CHL1: variants seen among roughly 807,000 people sequenced by gnomAD.
CHL1 encodes cell adhesion molecule L1 like.
CHL1 carries 96 observed loss-of-function variants against 141.9 expected under a neutral mutation model. The observed-to-expected ratio is 0.68, with a 90% CI of 0.57 to 0.80. The LOEUF (loss-of-function observed/expected upper bound fraction) is 0.80, where lower values mean the gene tolerates loss of function less well. Among genes scored for constraint, CHL1 ranks in the 30% least tolerant of loss-of-function variants. The pLI is 0.00. For synonymous variants in CHL1, 613 were observed against 502.2 expected (o/e 1.22, Z -2.95); for missense variants, 1,820 against 1,457.2 (o/e 1.25, Z -4.05).
intron 12 of CHL1, 51 bp downstream of exon 12, chr3:360,475 G>A: frequency 6.3e-7 from 1 of 1,590,342 alleles, no homozygotes; most frequent in Non-Finnish European, 8.6e-7. Flanking sequence ...AAGGAAAGTG[G>A]TCAAGGTCAT....
At chr3:387,228 A>G (rs955719166) in intron 19 of CHL1, among the ~76,000 whole-genome samples, 7 of 152,202 alleles carry the variant, frequency 4.6e-5, no homozygotes, top group Admixed American at 2.6e-4. Flanking sequence ...AGATCCTCTA[A>G]AGGATACACA....
intron 1 of CHL1, among the ~76,000 whole-genome samples, chr3:235,369 A>AT (rs1691865673): frequency 6.6e-6 from 1 of 152,172 alleles, no homozygotes; most frequent in Admixed American, 6.6e-5. Flanking sequence ...AATGAAGGAC[A>AT]TTAAAAAAAA....
Position 349,446 on chromosome 3 carries a change from G to C in CHL1, c.936G>C (p.Lys312Asn). The C allele has an allele frequency of 1.2e-6, 2 of 1,613,860 alleles. No homozygotes were observed. Among genetic ancestry groups the C allele is most frequent in the Non-Finnish European group, 1.7e-6 (2 of 1,179,784 alleles). The part of the protein sequence containing the change: ...ETKENYGKTL[K>N]IENVSYQDKG... ...AAGAAAATTATGGCAAGACTTTGAA[G>C]ATAGAGAATGTCTCCTACCAGGACA... Residue 312 changes from lysine (K) to asparagine (N), a missense_variant, in exon 10 of 28, where the codon AAG (lysine) becomes AAC (asparagine). Lys to Asn is a moderately conservative substitution (Grantham distance 94). Transcript: ENST00000256509.
chr3:227,434 G>A (rs1422557086), intron 1 of CHL1, among the ~76,000 whole-genome samples: 4 of 152,142 alleles, frequency 2.6e-5, no homozygotes, highest in African/African-American at 9.7e-5. Context: ...AGAAAACCTC[G>A]TCTTTTCTCA....
intron 23 of CHL1, among the ~76,000 whole-genome samples, chr3:393,469 A>C (rs1173259741): frequency 1.3e-5 from 2 of 152,076 alleles, no homozygotes; most frequent in Non-Finnish European, 2.9e-5. Flanking sequence ...CGTATGTGAC[A>C]TTTACGTTTA....
At chr3:334,841 G>C (rs1701737543) in intron 5 of CHL1, among the ~76,000 whole-genome samples, 1 of 152,146 alleles carries the variant, frequency 6.6e-6, no homozygotes, top group Non-Finnish European at 1.5e-5. Context: ...ATATCAGACA[G>C]ACTGTCATAT....
In CHL1 at chr3:389,488, C is replaced by T. The variant is rs779842228; in HGVS notation, c.2470+14C>T. 1.6e-5 allele frequency: 25 copies of T among 1,583,366 alleles called. No homozygotes were observed. The East Asian group carries it at 3.1e-4, about 20-fold the overall frequency. On this transcript the variant is annotated intron_variant, in intron 20 of 27. Coordinates refer to ENST00000256509, the MANE Select transcript of CHL1 (RefSeq NM_006614.4). ...CTGGAGAAGACTGTAAGTGATGCACCTAAAACTGCTAAGCACGTCAGTAAC... is the reference window on the plus strand; with the variant it reads ...CTGGAGAAGACTGTAAGTGATGCACTTAAAACTGCTAAGCACGTCAGTAAC...
At chr3:231,538 T>A (rs1284684109) in intron 1 of CHL1, among the ~76,000 whole-genome samples, 3 of 151,868 alleles carry the variant, frequency 2.0e-5, no homozygotes, top group African/African-American at 7.2e-5. Flanking sequence ...ATTGAAATTT[T>A]CAGTTGGGAG....
rs1233170505 is a variant in CHL1, at chr3:198,964, G to C, written c.-175+1901G>C. ...TAGGAAGCTCTTTGGGGAAACTTTTGGTGACAAGAAAATAAAAAGTTTATC... is the reference window on the plus strand; with the variant it reads ...TAGGAAGCTCTTTGGGGAAACTTTTCGTGACAAGAAAATAAAAAGTTTATC... On this transcript the variant is annotated intron_variant, in intron 1 of 27. Coordinates refer to ENST00000256509, the MANE Select transcript of CHL1 (RefSeq NM_006614.4). 2.6e-5 allele frequency among the ~76,000 whole-genome samples: 4 copies of C among 152,244 alleles called. No individual in the cohort carries two copies. The East Asian group carries it at 7.7e-4, about 29-fold the overall frequency.
At chr3:322,624 C>G (rs2125050327) in intron 3 of CHL1, among the ~76,000 whole-genome samples, 1 of 130,500 alleles carries the variant, frequency 7.7e-6, no homozygotes, top group South Asian at 2.3e-4. Flanking sequence ...GACCTCATCT[C>G]TAAATTATAT....
At position 367,678 on chromosome 3, in the gene CHL1, C is replaced by A. The variant is rs530758610; in HGVS notation, c.1751+1563C>A. 2.0e-5 allele frequency among the ~76,000 whole-genome samples: 3 copies of A among 151,940 alleles called. No homozygotes were observed. The South Asian group carries it at 6.3e-4, about 32-fold the overall frequency. ...TTTTAATTTTTGTTTTTCTTTACAT[C>A]TTCATTAAAAAATGGGATACATGAA... On this transcript the variant is annotated intron_variant, in intron 15 of 27. Transcript: ENST00000256509.
chr3:264,739 T>C (rs190405990), intron 2 of CHL1, among the ~76,000 whole-genome samples: 218 of 152,314 alleles, frequency 1.4e-3, no homozygotes, highest in Non-Finnish European at 2.5e-3. Flanking sequence ...GTCTTAGAGT[T>C]GTAGGAGAAA....
chr3:285,443 T>G (rs1319163198), intron 2 of CHL1, among the ~76,000 whole-genome samples: 1 of 152,164 alleles, frequency 6.6e-6, no homozygotes, highest in East Asian at 1.9e-4. Context: ...GTACAGTCAG[T>G]GGGAATGTGA....
At chr3:296,621 C>T (rs779611445) in intron 2 of CHL1, among the ~76,000 whole-genome samples, 15 of 152,158 alleles carry the variant, frequency 9.9e-5, no homozygotes, top group Non-Finnish European at 1.5e-4. Context: ...ATTTTGGACT[C>T]ATTGCAGCAG....
chr3:235,343 A>C (rs1691863286), intron 1 of CHL1, among the ~76,000 whole-genome samples: 1 of 152,172 alleles, frequency 6.6e-6, no homozygotes, highest in South Asian at 2.1e-4. Flanking sequence ...TTCATGCCTT[A>C]GTTTGGTCAT....
At chr3:361,381 TAAACCA>T (rs1446341619) in intron 12 of CHL1, among the ~76,000 whole-genome samples, 1 of 123,736 alleles carries the variant, frequency 8.1e-6, no homozygotes, top group East Asian at 2.5e-4. Flanking sequence ...GGGATCTAAT[TAAACCA>T]AAGAGCTTCT....
intron 15 of CHL1, among the ~76,000 whole-genome samples, chr3:366,684 C>T (rs79364721): frequency 6.9e-5 from 6 of 86,530 alleles, no homozygotes; most frequent in Admixed American, 3.8e-4. Context: ...TGGATGGTTG[C>T]AAAAAAAAAA....
chr3:385,952 C>G (rs7349532), intron 19 of CHL1, among the ~76,000 whole-genome samples: 27,509 of 151,784 alleles, frequency 0.18, 2,962 homozygotes, highest in East Asian at 0.35. Flanking sequence ...CAGTTACATT[C>G]CCAATATGTC....
At chr3:262,834 A>T (rs1455373601) in intron 2 of CHL1, among the ~76,000 whole-genome samples, 1 of 152,230 alleles carries the variant, frequency 6.6e-6, no homozygotes, top group Non-Finnish European at 1.5e-5. Flanking sequence ...GAGTTCATTC[A>T]AGCCTTCAAA....
Sources: allele counts gnomAD v4.1 joint callset (sites outside exome capture counted in the v4.1 genomes callset), GRCh38; gene constraint gnomAD v4.1.1; transcripts MANE v1.5; gene names NCBI Gene and HGNC (gene_info 2026-07-23, HGNC 2026-07-21).